TOX: variants seen among roughly 807,000 people sequenced by gnomAD.
TOX encodes the protein thymocyte selection-associated high mobility group box protein TOX.
In TOX, 11 loss-of-function variants were observed where a neutral mutation model predicts 53.7. The ratio of observed to expected loss-of-function variants is 0.20; its 90% CI spans 0.13 to 0.34. The LOEUF is 0.34. Ranked by LOEUF, TOX falls within the 10% of genes least tolerant of loss-of-function variation. TOX has a pLI of 1.00. For synonymous variants in TOX, 225 were observed against 245.3 expected (o/e 0.92, Z 0.77); for missense variants, 570 against 664.6 (o/e 0.86, Z 1.56).
chr8:58,976,301 A>G (rs538703151), intron 1 of TOX, among the ~76,000 whole-genome samples: 1 of 152,328 alleles, frequency 6.6e-6, no homozygotes, highest in South Asian at 2.1e-4. Flanking sequence ...TGGTGATTCT[A>G]TCTGAAGAAA....
chr8:59,041,072 CCGTG>C (rs777484706), intron 1 of TOX, among the ~76,000 whole-genome samples: 52 of 68,228 alleles, frequency 7.6e-4, no homozygotes, highest in African/African-American at 2.2e-3. Context: ...AAAAGGGACT[CCGTG>C]TGTGTGTGTG....
At chr8:58,882,044 C>T (rs1811392587) in intron 3 of TOX, among the ~76,000 whole-genome samples, 1 of 152,192 alleles carries the variant, frequency 6.6e-6, no homozygotes, top group Non-Finnish European at 1.5e-5. Flanking sequence ...ATGTAAGTAA[C>T]TTGTTCATGT....
chr8:59,109,476 G>A (rs1804974446), intron 1 of TOX, among the ~76,000 whole-genome samples: 2 of 152,064 alleles, frequency 1.3e-5, no homozygotes, highest in African/African-American at 4.8e-5. Context: ...AGGTGGTTTA[G>A]GTGCTTAGGG....
At chr8:59,045,122 C>A (rs529484933) in intron 1 of TOX, among the ~76,000 whole-genome samples, 2 of 152,180 alleles carry the variant, frequency 1.3e-5, no homozygotes, top group African/African-American at 4.8e-5. Context: ...CTTTTTCTTC[C>A]TAGACAATTT....
rs933730843 is a variant in TOX, at chr8:58,851,164, C to T, written c.693+360G>A. ...ACATCTCCTCTCTCTCTCTGTCTCT[C>T]TCTCTCTCTCTCTCTCTCTCTCACA... On this transcript the variant is annotated intron_variant, in intron 4 of 8. Transcript: ENST00000361421. The surrounding 1 kb of genome is among the most constrained non-coding windows in gnomAD (Gnocchi z 4.4). Among the ~76,000 whole-genome samples the T allele has an allele frequency of 1.4e-5, 2 of 143,248 alleles. No individual in the cohort carries two copies. Among genetic ancestry groups the T allele is most frequent in the East Asian group, 4.3e-4 (2 of 4,668 alleles). The allele number at this position is 143,248 out of a possible 152,430, so 94.0% of individuals were successfully genotyped here.
intron 3 of TOX, among the ~76,000 whole-genome samples, chr8:58,855,118 CT>C (rs775630722): frequency 6.6e-6 from 1 of 152,004 alleles, no homozygotes; most frequent in Non-Finnish European, 1.5e-5. Flanking sequence ...AATGGTTGTT[CT>C]TTCTGATTCT....
intron 5 of TOX, among the ~76,000 whole-genome samples, chr8:58,830,593 TAAAC>T (rs1302574199): frequency 1.3e-5 from 2 of 152,220 alleles, no homozygotes; most frequent in African/African-American, 4.8e-5. Flanking sequence ...GCTTCTTCCC[TAAAC>T]AAACAATCCA....
intron 1 of TOX, among the ~76,000 whole-genome samples, chr8:59,064,876 A>C (rs1804058531): frequency 6.6e-6 from 1 of 152,212 alleles, no homozygotes; most frequent in Non-Finnish European, 1.5e-5. Context: ...TAAAAATGAA[A>C]GAACCATTCT....
At chr8:58,976,492 T>A (rs1813102887) in intron 1 of TOX, among the ~76,000 whole-genome samples, 1 of 152,178 alleles carries the variant, frequency 6.6e-6, no homozygotes, top group Non-Finnish European at 1.5e-5. Context: ...TCCATGAGAG[T>A]TGGAATCAAC....
At chr8:58,998,524 T>C (rs1217111406) in intron 1 of TOX, among the ~76,000 whole-genome samples, 2 of 14,778 alleles carry the variant, frequency 1.4e-4, no homozygotes, top group African/African-American at 3.6e-4. Context: ...TATATATATA[T>C]ATATATATAT....
At chr8:58,821,516 C>T (rs1810275259) in intron 6 of TOX, among the ~76,000 whole-genome samples, 1 of 152,018 alleles carries the variant, frequency 6.6e-6, no homozygotes, top group South Asian at 2.1e-4. Context: ...ATTGTTGACT[C>T]TAGGTCCAAT....
chr8:59,118,927 G>T lies in TOX; in HGVS notation c.61C>A (p.Leu21Met). ...GGGTCCAGGCAGGGAGAAGGTCCCA[G>T]ACAGGGAGCGTCGGGCGCAGCGGCG... is the stretch of plus-strand genomic sequence containing the variant. ...QPAAAPDAPC[L>M]GPSPCLDPYY... is the part of the protein sequence containing the mutation. The change falls in exon 1 of 9, where the codon CTG becomes ATG. Residue 21 changes from leucine to methionine, a missense_variant. Leu to Met is a conservative substitution (Grantham distance 15). Coordinates refer to ENST00000361421, the MANE Select transcript of TOX (RefSeq NM_014729.3). The surrounding 1 kb of genome is among the most constrained non-coding windows in gnomAD (Gnocchi z 4.1). 2 of 1,601,982 alleles carry T rather than the reference G, an allele frequency of 1.2e-6. No homozygotes were observed. The highest frequency in any genetic ancestry group is 1.7e-6 in the Non-Finnish European group (2 of 1,173,858).
Position 58,823,826 on chromosome 8 carries a change from A to G in TOX, c.1005+2996T>C, listed in dbSNP as rs140948282. 2.8e-3 allele frequency among the ~76,000 whole-genome samples: 424 copies of G among 152,322 alleles called. 2 individuals are homozygous for G. Among genetic ancestry groups the G allele is most frequent in the African/African-American group, 9.9e-3 (410 of 41,572 alleles). On this transcript the variant is annotated intron_variant, in intron 6 of 8. Transcript: ENST00000361421. The stretch of plus-strand genomic sequence containing the variant: ...GGGGCGAAGAGGGAAGAAGGAGCAG[A>G]CTGTGACTATGACATGGCCACAAAT...
intron 1 of TOX, among the ~76,000 whole-genome samples, chr8:59,108,154 CT>C (rs1224010421): frequency 1.7e-4 from 26 of 152,192 alleles, no homozygotes; most frequent in Middle Eastern, 3.2e-3. Flanking sequence ...AATGTGTACA[CT>C]TTTACAGAGC....
At chr8:59,002,024 G>C (rs1208508246) in intron 1 of TOX, among the ~76,000 whole-genome samples, 1 of 147,692 alleles carries the variant, frequency 6.8e-6, no homozygotes, top group African/African-American at 2.5e-5. Flanking sequence ...GCCCAGGCTG[G>C]GGTGCAACGG....
At chr8:59,050,696 TG>T (rs1803773900) in intron 1 of TOX, among the ~76,000 whole-genome samples, 2 of 152,172 alleles carry the variant, frequency 1.3e-5, no homozygotes, top group African/African-American at 2.4e-5. Context: ...GATGACCTTC[TG>T]GATCTCACAT....
intron 3 of TOX, among the ~76,000 whole-genome samples, chr8:58,853,090 T>A (rs997412594): frequency 6.6e-6 from 1 of 152,154 alleles, no homozygotes; most frequent in Non-Finnish European, 1.5e-5. Flanking sequence ...ACAGCCCCCA[T>A]GTGTGCCCTG....
chr8:58,905,807 A>C (rs1197534832), intron 3 of TOX, among the ~76,000 whole-genome samples: 1 of 152,124 alleles, frequency 6.6e-6, no homozygotes, highest in Non-Finnish European at 1.5e-5. Flanking sequence ...CAATCATTCG[A>C]CTTTGATCCT....
intron 6 of TOX, among the ~76,000 whole-genome samples, chr8:58,818,513 G>C (rs1165857148): frequency 6.6e-6 from 1 of 152,106 alleles, no homozygotes; most frequent in Non-Finnish European, 1.5e-5. Context: ...TCCTCCAAAA[G>C]GGCATCTTTT....
Sources: gnomAD v4.1 joint callset for allele counts (sites outside exome capture counted in the v4.1 genomes callset) on GRCh38, gnomAD v4.1.1 for gene constraint, Gnocchi (gnomAD v3.1) non-coding constraint, MANE v1.5 for transcripts, NCBI Gene and HGNC (gene_info 2026-07-23, HGNC 2026-07-21) for gene names.